The following USP31 variants were observed in gnomAD, a reference collection of about 807,000 sequenced individuals.
The protein encoded by USP31 is ubiquitin carboxyl-terminal hydrolase 31.
USP31 carries 44 observed loss-of-function variants against 119.4 expected under a neutral mutation model. The ratio of observed to expected loss-of-function variants is 0.37; its 90% CI spans 0.29 to 0.47. The LOEUF is 0.47. Among genes scored for constraint, USP31 ranks in the 20% least tolerant of loss-of-function variants. The pLI is 0.99. For missense variants in USP31, 1,643 were observed against 1,730.2 expected, an observed-to-expected ratio of 0.95 and a Z score of 0.89; for synonymous variants, 749 against 705.6, an observed-to-expected ratio of 1.06 and a Z score of -0.97.
chr16:23,092,716 A>T (rs902809747), intron 6 of USP31, among the ~76,000 whole-genome samples: 1 of 152,248 alleles, frequency 6.6e-6, no homozygotes, highest in Non-Finnish European at 1.5e-5. Flanking sequence ...AAGAAGAATA[A>T]GTGAAATAAT....
chr16:23,080,817 G>A (rs900476604), intron 12 of USP31, among the ~76,000 whole-genome samples: 4 of 152,296 alleles, frequency 2.6e-5, no homozygotes, highest in Non-Finnish European at 5.9e-5. Context: ...AAGGAGCTAC[G>A]TATAGGTCTG....
chr16:23,149,118 C>A lies in USP31; in HGVS notation c.153G>T (p.Ser51=). 1 of 1,257,690 alleles carries A rather than the reference C, an allele frequency of 8.0e-7. No individual in the cohort carries two copies. Among genetic ancestry groups the A allele is most frequent in the Non-Finnish European group, 1.0e-6 (1 of 978,780 alleles). 77.9% of individuals were successfully genotyped at this position (1,257,690 alleles called of 1,614,324 possible). The part of the protein sequence containing the change: ...PGASGPAAPS[S]PSSPSSARSV... ...AGCGTGCAGAGGAGGGCGAGGAGGGCGAGGAAGGCGCGGCCGGCCCGGACG... is the reference window on the plus strand; with the variant it reads ...AGCGTGCAGAGGAGGGCGAGGAGGGAGAGGAAGGCGCGGCCGGCCCGGACG... Residue 51 remains serine (S), a synonymous_variant, in exon 1 of 16, where the codon TCG becomes TCT. Transcript: ENST00000219689.
At chr16:23,112,747 AGGCGGGTGT>A (rs1372472765) in intron 1 of USP31, among the ~76,000 whole-genome samples, 3 of 151,736 alleles carry the variant, frequency 2.0e-5, no homozygotes, top group Non-Finnish European at 4.4e-5. Context: ...AAAAATGAAT[AGGCGGGTGT>A]GGTGGCTCAC....
At position 23,118,150 on chromosome 16, in the gene USP31, G is replaced by T. The variant is rs1350336172; in HGVS notation, c.634-9967C>A. Among the ~76,000 whole-genome samples the T allele has an allele frequency of 1.3e-5, 2 of 152,092 alleles. 1 individual carries two copies. The highest frequency in any genetic ancestry group is 2.9e-5 in the Non-Finnish European group (2 of 68,018). ...GCCTCAGTCATCTTTTCTGCAAAATGGGAATGGTGATAGGAATGCTTTTCT... is the reference window on the plus strand; with the variant it reads ...GCCTCAGTCATCTTTTCTGCAAAATTGGAATGGTGATAGGAATGCTTTTCT... On this transcript the variant is annotated intron_variant, in intron 1 of 15. Coordinates refer to ENST00000219689, the MANE Select transcript of USP31 (RefSeq NM_020718.4).
At chr16:23,132,852 A>C (rs529447550) in intron 1 of USP31, among the ~76,000 whole-genome samples, 2 of 152,134 alleles carry the variant, frequency 1.3e-5, no homozygotes, top group South Asian at 2.1e-4. Flanking sequence ...TGCCATCCCC[A>C]AACACCGTTT....
At chr16:23,148,612 G>T in intron 1 of USP31, 26 bp downstream of exon 1, 1 of 1,446,388 alleles carries the variant, frequency 6.9e-7, no homozygotes, top group South Asian at 1.4e-5. Context: ...GGGGTGCAGT[G>T]GGGGCGCGGC....
chr16:23,116,900 T>G (rs954036597), intron 1 of USP31, among the ~76,000 whole-genome samples: 1 of 152,318 alleles, frequency 6.6e-6, no homozygotes, highest in South Asian at 2.1e-4. Context: ...CTGTTCACAT[T>G]TGGCCACAGA....
chr16:23,128,491 GA>G (rs1902933571), intron 1 of USP31, among the ~76,000 whole-genome samples: 1 of 152,092 alleles, frequency 6.6e-6, no homozygotes, highest in Non-Finnish European at 1.5e-5. Context: ...AACACAACTG[GA>G]AATCAAGTAA....
At chr16:23,132,949 T>TAA (rs564139996) in intron 1 of USP31, among the ~76,000 whole-genome samples, 1 of 152,170 alleles carries the variant, frequency 6.6e-6, no homozygotes, top group Admixed American at 6.5e-5. Flanking sequence ...ACACTGCTTC[T>TAA]AACATACATT....
intron 1 of USP31, among the ~76,000 whole-genome samples, chr16:23,123,063 G>A (rs1902727170): frequency 6.6e-6 from 1 of 152,152 alleles, no homozygotes. Context: ...AATGGTGTTA[G>A]AAGACGATCT....
intron 7 of USP31, among the ~76,000 whole-genome samples, chr16:23,089,103 A>C (rs1360156182): frequency 1.3e-5 from 2 of 152,186 alleles, no homozygotes; most frequent in Non-Finnish European, 2.9e-5. Flanking sequence ...AGCATCATGA[A>C]GGGAATTCCA....
At chr16:23,086,252 C>T (rs987513484) in intron 9 of USP31, among the ~76,000 whole-genome samples, 12 of 152,094 alleles carry the variant, frequency 7.9e-5, no homozygotes, top group Admixed American at 6.6e-5. Flanking sequence ...TAAACCCAAA[C>T]AGTAAGCTTT....
rs2141815926 is a variant in USP31 at position 23,063,242 on chromosome 16, C to CA, written c.*4803dup. ...ACCCCTTCTCCCAAAAATTGGGAAA[C>CA]ACTAAACAAATGTAAGATGGATCTA... On this transcript the variant is annotated 3_prime_UTR_variant, in exon 16 of 16. Transcript: ENST00000219689. The CA allele has an allele frequency of 6.6e-6, 1 of 152,320 alleles. No homozygotes were observed. Among genetic ancestry groups the CA allele is most frequent in the East Asian group, 1.9e-4 (1 of 5,190 alleles). 9.4% of individuals were successfully genotyped at this position (152,320 alleles called of 1,614,324 possible).
Position 23,068,298 on chromosome 16 carries a change from G to C in USP31, c.3807C>G (p.Asp1269Glu). The change falls in exon 16 of 16, where the codon GAC becomes GAG. Residue 1269 changes from aspartate (D) to glutamate (E), a missense_variant. Physicochemically the swap from Asp to Glu is conservative, Grantham distance 45 (BLOSUM62 2). Coordinates refer to ENST00000219689, the MANE Select transcript of USP31 (RefSeq NM_020718.4). ...VKSVCKNTGD[D>E]EAERGHQPPA... ...GAGGCTGGTGGCCTCTCTCTGCCTC[G>C]TCGTCCCCGGTGTTCTTACAGACAG... 6.2e-7 allele frequency: 1 copy of C among 1,613,880 alleles called. No individual in the cohort carries two copies. The highest frequency in any genetic ancestry group is 8.5e-7 in the Non-Finnish European group (1 of 1,179,830).
intron 15 of USP31, 103 bp from the exon 16 acceptor site, chr16:23,069,719 A>AAGGAGCATGACCTTC (rs1303609238): frequency 2.1e-6 from 3 of 1,428,894 alleles, no homozygotes; most frequent in Non-Finnish European, 2.8e-6. Flanking sequence ...CATGGGATGA[A>AAGGAGCATGACCTTC]AGGAGCATGA....
At chr16:23,106,069 G>GT (rs1454275548) in intron 4 of USP31, 144 bp downstream of exon 4, 26 of 948,610 alleles carry the variant, frequency 2.7e-5, no homozygotes, top group Non-Finnish European at 3.1e-5. Flanking sequence ...ATTTATTCTT[G>GT]TAAGGTTGTA....
intron 1 of USP31, among the ~76,000 whole-genome samples, chr16:23,141,546 T>A (rs1903352781): frequency 6.6e-6 from 1 of 152,016 alleles, no homozygotes; most frequent in African/African-American, 2.4e-5. Flanking sequence ...CCCGGCTAAT[T>A]TTTGTACTTT....
At chr16:23,108,425 T>C (rs1902196143) in intron 1 of USP31, among the ~76,000 whole-genome samples, 1 of 152,046 alleles carries the variant, frequency 6.6e-6, no homozygotes. Flanking sequence ...AAAGACATCA[T>C]CAGAACAGCC....
chr16:23,072,148 G>T lies in USP31; in HGVS notation c.2385C>A (p.Gly795=). 2 of 1,611,536 alleles carry T rather than the reference G, an allele frequency of 1.2e-6. No individual in the cohort carries two copies. Among genetic ancestry groups the T allele is most frequent in the Non-Finnish European group, 1.7e-6 (2 of 1,180,022 alleles). ...LCEHWVSRLP[G]SKPASVTSAA... is the part of the protein sequence containing the mutation. ...CAGAGGTCACGCTGGCTGGCTTGCT[G>T]CCCGGGAGCCGGCTCACCCAGTGTT... Residue 795 remains glycine, a synonymous_variant, in exon 15 of 16, where the codon GGC becomes GGA. Coordinates refer to ENST00000219689, the MANE Select transcript of USP31 (RefSeq NM_020718.4).
Sources: allele counts gnomAD v4.1 joint callset (sites outside exome capture counted in the v4.1 genomes callset), GRCh38; gene constraint gnomAD v4.1.1; transcripts MANE v1.5; gene names NCBI Gene and HGNC (gene_info 2026-07-23, HGNC 2026-07-21).